The following MALRD1 variants were observed in gnomAD, a reference collection of about 807,000 sequenced individuals.
MALRD1 encodes MAM and LDL-receptor class A domain-containing protein 1.
In MALRD1, 247 loss-of-function variants were observed where a neutral mutation model predicts 242.1. That is an observed-to-expected ratio of 1.02 (90% CI 0.92 to 1.13). MALRD1 has a LOEUF of 1.13. Ranked by LOEUF, MALRD1 falls within the 50% of genes most tolerant of loss-of-function variation. MALRD1 has a pLI of 0.00. For synonymous variants in MALRD1, 995 were observed against 866.6 expected, an observed-to-expected ratio of 1.15 and a Z score of -2.60; for missense variants, 2,989 against 2,533.1, an observed-to-expected ratio of 1.18 and a Z score of -3.86.
intron 10 of MALRD1, among the ~76,000 whole-genome samples, chr10:19,140,438 T>C (rs1230273185): frequency 1.3e-5 from 2 of 152,082 alleles, no homozygotes; most frequent in African/African-American, 4.8e-5. Flanking sequence ...AAGATTAAAA[T>C]ATATCTGCAC....
intron 33 of MALRD1, among the ~76,000 whole-genome samples, chr10:19,581,151 T>G (rs770402781): frequency 2.6e-5 from 4 of 152,134 alleles, no homozygotes; most frequent in Non-Finnish European, 5.9e-5. Flanking sequence ...ACAAGAGTAC[T>G]TATAATTGCA....
At position 19,199,896 on chromosome 10, in the gene MALRD1, G is replaced by T. The variant is rs1456372202; in HGVS notation, c.1952-3832G>T. ...CACTTGTAATCCCTGAACTTTGGGA[G>T]GCCAAGGCAGGAGGACCCTTGAGGC... On this transcript the variant is annotated intron_variant, in intron 14 of 39. Coordinates refer to ENST00000454679, the MANE Select transcript of MALRD1 (RefSeq NM_001142308.3). Among the ~76,000 whole-genome samples, 3 of 152,148 alleles carry T rather than the reference G, an allele frequency of 2.0e-5. No homozygotes were observed. In the East Asian group the frequency reaches 5.8e-4, roughly 29 times the overall value.
At chr10:19,569,158 A>G (rs11010400) in intron 33 of MALRD1, among the ~76,000 whole-genome samples, 2,977 of 152,170 alleles carry the variant, frequency 0.02, 48 homozygotes, top group Non-Finnish European at 0.028. Flanking sequence ...TTTGCAATTG[A>G]GGTCATATAA....
At chr10:19,213,113 T>G (rs1837146561) in intron 18 of MALRD1, among the ~76,000 whole-genome samples, 1 of 152,174 alleles carries the variant, frequency 6.6e-6, no homozygotes. Flanking sequence ...TATCAATATA[T>G]TATTTTATAA....
intron 21 of MALRD1, among the ~76,000 whole-genome samples, chr10:19,288,760 G>T (rs1206576074): frequency 6.6e-6 from 1 of 151,958 alleles, no homozygotes; most frequent in Non-Finnish European, 1.5e-5. Flanking sequence ...TTATATTAAA[G>T]AATCTTTTCA....
At chr10:19,708,725 G>A (rs565852086) in intron 38 of MALRD1, among the ~76,000 whole-genome samples, 3 of 122,086 alleles carry the variant, frequency 2.5e-5, no homozygotes, top group South Asian at 3.1e-4. Flanking sequence ...GCAGAGGCAC[G>A]ATCTCGGCTC....
chr10:19,332,610 T>C (rs551443499), intron 24 of MALRD1, among the ~76,000 whole-genome samples: 8 of 152,298 alleles, frequency 5.3e-5, no homozygotes, highest in South Asian at 4.2e-4. Context: ...AGCTAGAATA[T>C]TGCAGTTTGA....
At chr10:19,373,382 G>T (rs1845472879) in intron 26 of MALRD1, among the ~76,000 whole-genome samples, 1 of 151,964 alleles carries the variant, frequency 6.6e-6, no homozygotes, top group East Asian at 1.9e-4. Context: ...CAGATGTGGT[G>T]GTGGCGGGTG....
At chr10:19,158,668 C>G (rs912413059) in intron 12 of MALRD1, among the ~76,000 whole-genome samples, 3 of 152,200 alleles carry the variant, frequency 2.0e-5, no homozygotes. Flanking sequence ...GTGTGTTGAT[C>G]ACAGTCCTCG....
intron 36 of MALRD1, among the ~76,000 whole-genome samples, chr10:19,688,095 A>G (rs1036890675): frequency 2.6e-5 from 4 of 152,008 alleles, no homozygotes; most frequent in African/African-American, 9.7e-5. Context: ...TCAGCCTCCC[A>G]CGTCGCTGGG....
At chr10:19,398,130 AT>A (rs1018905260) in intron 28 of MALRD1, among the ~76,000 whole-genome samples, 6 of 151,750 alleles carry the variant, frequency 4.0e-5, no homozygotes, top group Admixed American at 1.3e-4. Context: ...CATTCTGTTG[AT>A]TGTTTCCTTT....
At chr10:19,503,501 G>A (rs964476589) in intron 31 of MALRD1, among the ~76,000 whole-genome samples, 3 of 152,096 alleles carry the variant, frequency 2.0e-5, no homozygotes, top group Non-Finnish European at 4.4e-5. Context: ...AACATCAGTC[G>A]ACTCTCTGGT....
intron 23 of MALRD1, among the ~76,000 whole-genome samples, chr10:19,330,483 A>G (rs1784350193): frequency 6.6e-6 from 1 of 152,164 alleles, no homozygotes; most frequent in Non-Finnish European, 1.5e-5. Context: ...ACTCGCCTCC[A>G]ATTGTTCTAA....
At chr10:19,496,024 TCC>T (rs961953500) in intron 30 of MALRD1, among the ~76,000 whole-genome samples, 1 of 152,138 alleles carries the variant, frequency 6.6e-6, no homozygotes, top group Non-Finnish European at 1.5e-5. Context: ...GACCTAACTA[TCC>T]TAAATATATA....
intron 38 of MALRD1, among the ~76,000 whole-genome samples, chr10:19,712,179 G>T (rs1834154864): frequency 6.6e-6 from 1 of 152,146 alleles, no homozygotes; most frequent in Admixed American, 6.5e-5. Context: ...AGAATTGCAT[G>T]GTTACTGTGA....
chr10:19,719,215 C>CACATATATATATATATAT (rs1834597824), intron 38 of MALRD1, among the ~76,000 whole-genome samples: 1 of 84,294 alleles, frequency 1.2e-5, no homozygotes, highest in Admixed American at 1.5e-4. Context: ...TATATATACA[C>CACATATATATATATATAT]ATACATACAT....
At chr10:19,241,077 A>T (rs1838747878) in intron 18 of MALRD1, among the ~76,000 whole-genome samples, 1 of 152,136 alleles carries the variant, frequency 6.6e-6, no homozygotes, top group South Asian at 2.1e-4. Context: ...CGAGCCTCAT[A>T]AGATGAGTAT....
intron 33 of MALRD1, among the ~76,000 whole-genome samples, chr10:19,587,012 T>A (rs1312003409): frequency 6.6e-6 from 1 of 152,210 alleles, no homozygotes; most frequent in South Asian, 2.1e-4. Flanking sequence ...GTCACCACTT[T>A]CTTTGACTAG....
chr10:19,185,814 A>AGTGTGTGTGT (rs5783657), intron 14 of MALRD1, among the ~76,000 whole-genome samples: 20,142 of 148,226 alleles, frequency 0.14, 1,755 homozygotes, highest in Admixed American at 0.22. Flanking sequence ...GTTTTGAGAT[A>AGTGTGTGTGT]GTGTGTGTGT....
Sources: allele counts gnomAD v4.1 joint callset (sites outside exome capture counted in the v4.1 genomes callset), GRCh38; gene constraint gnomAD v4.1.1; transcripts MANE v1.5; gene names NCBI Gene and HGNC (gene_info 2026-07-23, HGNC 2026-07-21).